Variants in RIOK3 observed in about 807,000 individuals in gnomAD.
The protein encoded by RIOK3 is serine/threonine-protein kinase RIO3.
A neutral mutation model predicts 63.5 loss-of-function variants in RIOK3; 40 were observed. The ratio of observed to expected loss-of-function variants is 0.63; its 90% CI spans 0.49 to 0.82. The LOEUF is 0.82. Ranked by LOEUF, RIOK3 falls within the 40% of genes least tolerant of loss-of-function variation. The pLI, the probability that RIOK3 is intolerant of heterozygous loss-of-function variation, is 0.00. For synonymous variants in RIOK3, 193 were observed against 205.0 expected, an observed-to-expected ratio of 0.94 and a Z score of 0.50; for missense variants, 557 against 637.0, an observed-to-expected ratio of 0.87 and a Z score of 1.35.
chr18:23,477,680 T>C (rs1309401921), intron 11 of RIOK3, among the ~76,000 whole-genome samples: 1 of 151,686 alleles, frequency 6.6e-6, no homozygotes, highest in African/African-American at 2.4e-5. Flanking sequence ...GGAGACTCAC[T>C]TGAACCTGGG....
In RIOK3 at chr18:23,475,407, G is replaced by C. The variant is rs2057482972; in HGVS notation, c.1173+300G>C. On this transcript the variant is annotated intron_variant, in intron 9 of 12. Transcript: ENST00000339486. ...GAACCAGGGAGGTAGAGGTTGCAGT[G>C]AACCAAGATTGCACCACTGCACTCC... Among the ~76,000 whole-genome samples, 4 of 140,490 alleles carry C rather than the reference G, an allele frequency of 2.8e-5. No homozygotes were observed. In the Admixed American group the frequency reaches 3.2e-4, roughly 11 times the overall value. 92.2% of individuals were successfully genotyped at this position (140,490 alleles called of 152,430 possible). A position where few individuals can be genotyped will look rare whatever the true frequency, so the allele number is the denominator to read the frequency against.
rs1360246348 is a variant in RIOK3, at chr18:23,463,979, A to G, written c.192A>G (p.Gly64=). 4 of 1,606,624 alleles carry G rather than the reference A, an allele frequency of 2.5e-6. No individual in the cohort carries two copies. The Admixed American group carries it at 5.2e-5, about 21-fold the overall frequency. Residue 64 remains glycine, a synonymous_variant, in exon 3 of 13, where the codon GGA becomes GGG. Transcript: ENST00000339486. ...TTATTTTGAATAGTGTTGCTGAAGG[A>G]CCATTTATTACTGGAGAAAACATTG... ...AVFPEVAVAE[G]PFITGENIDT...
intron 7 of RIOK3, among the ~76,000 whole-genome samples, chr18:23,472,232 C>CAA (rs34781307): frequency 2.8e-4 from 39 of 138,908 alleles, no homozygotes; most frequent in African/African-American, 9.8e-4. Context: ...GACTCTGTCT[C>CAA]AAAAAAAAAA....
At chr18:23,463,415 T>TC (rs1405523729) in intron 2 of RIOK3, 2 of 168,362 alleles carry the variant, frequency 1.2e-5, no homozygotes, top group Admixed American at 6.4e-5. Context: ...CTTTCTTTTT[T>TC]TTTTTTTTTT....
intron 12 of RIOK3, among the ~76,000 whole-genome samples, chr18:23,479,875 C>T (rs2057519942): frequency 6.6e-6 from 1 of 152,152 alleles, no homozygotes; most frequent in Non-Finnish European, 1.5e-5. Flanking sequence ...CTGTGCCCGG[C>T]CTGTTTTTTT....
intron 1 of RIOK3, 31 bp downstream of exon 1, chr18:23,453,533 C>T (rs1805511905): frequency 1.3e-6 from 2 of 1,547,748 alleles, no homozygotes; most frequent in Non-Finnish European, 8.9e-7. Flanking sequence ...GAGTACTAGC[C>T]TTGGTCACAC....
intron 1 of RIOK3, among the ~76,000 whole-genome samples, chr18:23,460,252 T>A (rs1020988971): frequency 6.6e-6 from 1 of 152,250 alleles, no homozygotes; most frequent in Non-Finnish European, 1.5e-5. Flanking sequence ...TGTGCCCAGC[T>A]AGTTTTTTAA....
At chr18:23,462,275 G>A (rs2057377250) in intron 1 of RIOK3, among the ~76,000 whole-genome samples, 1 of 151,350 alleles carries the variant, frequency 6.6e-6, no homozygotes, top group African/African-American at 2.4e-5. Flanking sequence ...GAGTAGCTGG[G>A]ACTACAGGCA....
chr18:23,471,341 C>G (rs972391924), intron 7 of RIOK3, among the ~76,000 whole-genome samples: 2 of 152,058 alleles, frequency 1.3e-5, no homozygotes, highest in African/African-American at 4.8e-5. Flanking sequence ...TGCCTTAGGA[C>G]AGGTACAAAG....
intron 5 of RIOK3, 55 bp downstream of exon 5, chr18:23,464,683 C>G: frequency 9.9e-7 from 1 of 1,006,086 alleles, no homozygotes; most frequent in Non-Finnish European, 1.5e-6. Flanking sequence ...GAATACCTTT[C>G]AAAAACAGGA....
Position 23,479,407 on chromosome 18 carries a change from G to A in RIOK3, c.1435G>A (p.Ala479Thr). The change falls in exon 12 of 13, where the codon GCT becomes ACT. Residue 479 changes from alanine (A) to threonine (T), a missense_variant. Physicochemically the swap from Ala to Thr is moderately conservative, Grantham distance 58. This residue lies in a region of RIOK3 where 309 missense variants were observed against 338.7 expected (regional missense o/e 0.91). Coordinates refer to ENST00000339486, the MANE Select transcript of RIOK3 (RefSeq NM_003831.5). ...SGLNITADNE[A>T]DFLAEIEALE... ...CTTAAACATCACAGCAGATAATGAAGCTGATTTTTTAGCTGAGGTATGTGA... is the reference window on the plus strand; with the variant it reads ...CTTAAACATCACAGCAGATAATGAAACTGATTTTTTAGCTGAGGTATGTGA... The A allele has an allele frequency of 6.2e-7, 1 of 1,612,716 alleles. No individual in the cohort carries two copies. The highest frequency in any genetic ancestry group is 1.3e-5 in the African/African-American group (1 of 74,994).
intron 1 of RIOK3, 119 bp downstream of exon 1, chr18:23,453,621 C>A (rs2145661643): frequency 1.2e-6 from 1 of 857,832 alleles, no homozygotes; most frequent in Non-Finnish European, 1.9e-6. Flanking sequence ...ACCCCGCGGA[C>A]CTCGGCAAGG....
At chr18:23,473,280 T>A in intron 7 of RIOK3, 149 bp from the exon 8 acceptor site, 1 of 527,554 alleles carries the variant, frequency 1.9e-6, no homozygotes, top group Admixed American at 3.8e-5. Flanking sequence ...TAAGGCTTTA[T>A]TAAGATCCAA....
In RIOK3 at chr18:23,480,555, GCACACACACACA is replaced by G. The variant is rs59552026; in HGVS notation, c.1453-592_1453-581del. ...ACTATTTGTGTATACTTGGATGCAC[GCACACACACACA>G]CACACACACACACACACACACACAT... On this transcript the variant is annotated intron_variant, in intron 12 of 12. Coordinates refer to ENST00000339486, the MANE Select transcript of RIOK3 (RefSeq NM_003831.5). Among the ~76,000 whole-genome samples the G allele has an allele frequency of 7.0e-5, 10 of 141,984 alleles. No homozygotes were observed. The South Asian group carries it at 9.1e-4, about 13-fold the overall frequency. 93.1% of individuals were successfully genotyped at this position (141,984 alleles called of 152,430 possible). A position where few individuals can be genotyped will look rare whatever the true frequency, so the allele number is the denominator to read the frequency against.
In RIOK3 at chr18:23,464,113, G is replaced by GTAT. The variant is rs1177584090; in HGVS notation, c.325+5_325+7dup. 1.1e-5 allele frequency: 17 copies of GTAT among 1,610,136 alleles called. No homozygotes were observed. The highest frequency in any genetic ancestry group is 2.7e-5 in the African/African-American group (2 of 74,722). ...AAAAAATTCAATGGAGATAGCAAAG[G>GTAT]TATTATAACCTTATTGTGACAACTT... On this transcript the variant is annotated splice_donor_variant, in intron 3 of 12. Transcript: ENST00000339486. LOFTEE classifies it high-confidence loss of function.
chr18:23,478,535 C>T (rs1567900892), intron 11 of RIOK3, among the ~76,000 whole-genome samples: 1 of 149,004 alleles, frequency 6.7e-6, no homozygotes, highest in South Asian at 2.1e-4. Flanking sequence ...AAGATTATAG[C>T]GAGCTGTGAT....
At chr18:23,465,378 AC>A (rs1305190306) in intron 5 of RIOK3, among the ~76,000 whole-genome samples, 24 of 152,202 alleles carry the variant, frequency 1.6e-4, no homozygotes, top group African/African-American at 5.5e-4. Flanking sequence ...CCTCAAAAAA[AC>A]AAACAAAAAA....
intron 1 of RIOK3, among the ~76,000 whole-genome samples, chr18:23,462,203 G>A (rs1172596399): frequency 3.5e-5 from 5 of 142,322 alleles, no homozygotes; most frequent in South Asian, 2.3e-4. Context: ...GCAGTGGCGC[G>A]ATCTCGACTC....
chr18:23,476,689 A>G (rs920476427), intron 9 of RIOK3, among the ~76,000 whole-genome samples: 2 of 152,154 alleles, frequency 1.3e-5, no homozygotes, highest in Non-Finnish European at 2.9e-5. Flanking sequence ...TGGGCAGGTC[A>G]CGAGGTCAGG....
Sources: gnomAD v4.1 joint callset for allele counts (sites outside exome capture counted in the v4.1 genomes callset) on GRCh38, gnomAD v4.1.1 for gene constraint, gnomAD v4.1.1 regional missense constraint, MANE v1.5 for transcripts, NCBI Gene and HGNC (gene_info 2026-07-23, HGNC 2026-07-21) for gene names.